CTNNA3: variants seen among roughly 807,000 people sequenced by gnomAD.
CTNNA3 encodes catenin alpha-3.
Under a neutral mutation model 95.7 loss-of-function variants are expected in CTNNA3, and 76 were observed. The ratio of observed to expected loss-of-function variants is 0.79; its 90% CI spans 0.66 to 0.96. The LOEUF (loss-of-function observed/expected upper bound fraction) is 0.96. Ranked by LOEUF, CTNNA3 falls within the 40% of genes least tolerant of loss-of-function variation. The pLI is 0.00. For missense variants in CTNNA3, 1,191 were observed against 1,089.8 expected (o/e 1.09, Z -1.31); for synonymous variants, 431 against 374.4 (o/e 1.15, Z -1.74).
At chr10:66,875,591 ATATGGAAGGTAGT>A (rs1844585858) in intron 7 of CTNNA3, among the ~76,000 whole-genome samples, 1 of 152,078 alleles carries the variant, frequency 6.6e-6, no homozygotes, top group Non-Finnish European at 1.5e-5. Context: ...TTATTGGACC[ATATGGAAGGTAGT>A]TATTCAATAA....
chr10:66,898,193 G>A (rs186215287), intron 7 of CTNNA3, among the ~76,000 whole-genome samples: 16 of 152,202 alleles, frequency 1.1e-4, no homozygotes, highest in Admixed American at 3.3e-4. Flanking sequence ...TCATATCTAC[G>A]GAATTTTAGA....
At chr10:66,661,038 G>A (rs1846245422) in intron 9 of CTNNA3, among the ~76,000 whole-genome samples, 1 of 152,040 alleles carries the variant, frequency 6.6e-6, no homozygotes, top group Non-Finnish European at 1.5e-5. Context: ...CTCGTACATA[G>A]TAAATACTGA....
chr10:66,710,591 A>C, intron 9 of CTNNA3, among the ~76,000 whole-genome samples: 1 of 152,050 alleles, frequency 6.6e-6, no homozygotes, highest in South Asian at 2.1e-4. Flanking sequence ...AGAAATAAAG[A>C]TTTCTTCACA....
chr10:66,801,754 A>C (rs540770592), intron 7 of CTNNA3, among the ~76,000 whole-genome samples: 1 of 151,666 alleles, frequency 6.6e-6, no homozygotes, highest in Non-Finnish European at 1.5e-5. Context: ...TGACAAGCCA[A>C]TTCTAATTTT....
chr10:66,235,844 T>G (rs1324986497), intron 13 of CTNNA3, among the ~76,000 whole-genome samples: 1 of 152,202 alleles, frequency 6.6e-6, no homozygotes, highest in Non-Finnish European at 1.5e-5. Context: ...CCATTTATCA[T>G]TGTCTATAAG....
At chr10:66,355,887 A>G (rs1387502636) in intron 12 of CTNNA3, among the ~76,000 whole-genome samples, 1 of 84,264 alleles carries the variant, frequency 1.2e-5, no homozygotes, top group Non-Finnish European at 2.5e-5. Flanking sequence ...TGTAAGGCAT[A>G]AGTTGAGGTT....
chr10:67,283,544 G>A (rs56408521), intron 5 of CTNNA3, among the ~76,000 whole-genome samples: 7,044 of 152,196 alleles, frequency 0.046, 217 homozygotes, highest in South Asian at 0.093. Context: ...ATGGCCCACC[G>A]CAAGGAAGAA....
intron 7 of CTNNA3, among the ~76,000 whole-genome samples, chr10:66,955,494 G>A (rs938959849): frequency 3.3e-5 from 5 of 152,058 alleles, no homozygotes; most frequent in African/African-American, 9.7e-5. Flanking sequence ...CTAAGAAGTC[G>A]AGGGAGACAG....
intron 11 of CTNNA3, among the ~76,000 whole-genome samples, chr10:66,388,511 T>G (rs1397086806): frequency 6.6e-6 from 1 of 152,256 alleles, no homozygotes; most frequent in African/African-American, 2.4e-5. Flanking sequence ...GCAAGAATTT[T>G]TCTGGTTCTT....
At chr10:66,237,780 G>A (rs1418693239) in intron 13 of CTNNA3, among the ~76,000 whole-genome samples, 2 of 151,874 alleles carry the variant, frequency 1.3e-5, no homozygotes, top group Non-Finnish European at 2.9e-5. Context: ...GTCAAGTCTT[G>A]TATTAACTAA....
Position 65,916,702 on chromosome 10 carries a change from A to G in CTNNA3, c.*3628T>C, listed in dbSNP as rs2077011721. ...GATAGAGATGAGAGACAGGAGAGAG[A>G]TATTTTTGGTTCACAGAAGAGGAAA... On this transcript the variant is annotated 3_prime_UTR_variant, in exon 18 of 18. Coordinates refer to ENST00000433211, the MANE Select transcript of CTNNA3 (RefSeq NM_013266.4). 1 of 152,206 alleles carries G rather than the reference A, an allele frequency of 6.6e-6. No individual in the cohort carries two copies. Among genetic ancestry groups the G allele is most frequent in the South Asian group, 2.1e-4 (1 of 4,834 alleles). 9.4% of individuals were successfully genotyped at this position (152,206 alleles called of 1,614,324 possible).
At chr10:67,096,325 C>G (rs953535467) in intron 7 of CTNNA3, among the ~76,000 whole-genome samples, 2 of 151,558 alleles carry the variant, frequency 1.3e-5, no homozygotes, top group African/African-American at 4.8e-5. Flanking sequence ...GTGGCAAAGA[C>G]GGTTCTAATG....
chr10:66,101,442 T>C (rs538828509), intron 14 of CTNNA3, among the ~76,000 whole-genome samples: 40 of 152,346 alleles, frequency 2.6e-4, no homozygotes, highest in African/African-American at 9.4e-4. Context: ...ATAAGCAATG[T>C]TTCTGATAAA....
chr10:67,727,361 T>G (rs1841241406), intron 1 of CTNNA3, among the ~76,000 whole-genome samples: 1 of 133,028 alleles, frequency 7.5e-6, no homozygotes, highest in Admixed American at 8.8e-5. Flanking sequence ...ATCATATACA[T>G]ATATGTATAT....
At chr10:66,630,834 T>C (rs944488019) in intron 9 of CTNNA3, among the ~76,000 whole-genome samples, 1 of 152,146 alleles carries the variant, frequency 6.6e-6, no homozygotes, top group Non-Finnish European at 1.5e-5. Context: ...TAAAAGCACA[T>C]AGCAAATTGC....
At chr10:66,852,504 A>C (rs989639560) in intron 7 of CTNNA3, among the ~76,000 whole-genome samples, 1 of 152,186 alleles carries the variant, frequency 6.6e-6, no homozygotes, top group Non-Finnish European at 1.5e-5. Flanking sequence ...TACAGGAACA[A>C]AAATTTGAAT....
chr10:67,190,950 C>T (rs1863092430), intron 6 of CTNNA3, among the ~76,000 whole-genome samples: 1 of 151,910 alleles, frequency 6.6e-6, no homozygotes, highest in Admixed American at 6.6e-5. Flanking sequence ...ACAGATAATT[C>T]ACTTAAACAT....
intron 1 of CTNNA3, among the ~76,000 whole-genome samples, chr10:67,664,549 CATT>C (rs1169084691): frequency 1.4e-4 from 22 of 152,148 alleles, no homozygotes; most frequent in African/African-American, 5.3e-4. Flanking sequence ...CCAGAGTTAT[CATT>C]GAGAATTGCT....
chr10:66,980,906 TTTTA>T (rs891299118), intron 7 of CTNNA3, among the ~76,000 whole-genome samples: 2 of 152,062 alleles, frequency 1.3e-5, no homozygotes, highest in African/African-American at 2.4e-5. Context: ...TTTCTTTCTT[TTTTA>T]TTTATTTATT....
Sources: allele counts gnomAD v4.1 joint callset (sites outside exome capture counted in the v4.1 genomes callset), GRCh38; gene constraint gnomAD v4.1.1; transcripts MANE v1.5; gene names NCBI Gene and HGNC (gene_info 2026-07-23, HGNC 2026-07-21).